The following BANP variants were observed in gnomAD, a reference collection of about 807,000 sequenced individuals.
The protein encoded by BANP is BTG3 associated nuclear protein.
In BANP, 11 loss-of-function variants were observed where a neutral mutation model predicts 68.1. The observed-to-expected ratio is 0.16, with a 90% CI of 0.10 to 0.27. The LOEUF is 0.27. Among genes scored for constraint, BANP ranks in the 10% least tolerant of loss-of-function variants. The pLI is 1.00. For synonymous variants in BANP, 329 were observed against 303.2 expected (o/e 1.09, Z -0.88); for missense variants, 504 against 722.7 (o/e 0.70, Z 3.47).
At chr16:87,990,278 G>A (rs1023432512) in intron 4 of BANP, among the ~76,000 whole-genome samples, 1 of 152,092 alleles carries the variant, frequency 6.6e-6, no homozygotes, top group Non-Finnish European at 1.5e-5. Context: ...ATAAACCATA[G>A]GCTTCTGTAT....
At position 88,004,511 on chromosome 16, in the gene BANP, T is replaced by C; in HGVS notation, c.479+100T>C. ...AGCCAGGGCACAGTCCAGCACACGC[T>C]TCATCTCTGTGGTCACAGGGTTGAG... is the stretch of plus-strand genomic sequence containing the variant. On this transcript the variant is annotated intron_variant, in intron 5 of 13. Coordinates refer to ENST00000682872, the MANE Select transcript of BANP (RefSeq NM_001386991.1). The surrounding 1 kb of genome is among the most constrained non-coding windows in gnomAD (Gnocchi z 7.0). 1.5e-6 allele frequency: 1 copy of C among 681,466 alleles called. No homozygotes were observed. Among genetic ancestry groups the C allele is most frequent in the African/African-American group, 1.9e-5 (1 of 54,030 alleles). 42.2% of individuals were successfully genotyped at this position (681,466 alleles called of 1,614,324 possible).
intron 13 of BANP, among the ~76,000 whole-genome samples, chr16:88,075,805 G>A (rs1430253774): frequency 6.9e-6 from 1 of 145,850 alleles, no homozygotes; most frequent in East Asian, 2.0e-4. Context: ...GGAGTGCATT[G>A]GTGCAATCTC....
At chr16:87,969,573 C>G (rs2145488100) in intron 1 of BANP, among the ~76,000 whole-genome samples, 1 of 149,182 alleles carries the variant, frequency 6.7e-6, no homozygotes, top group East Asian at 2.0e-4. Flanking sequence ...CCCCCTGTCA[C>G]CCAGTGTGGA....
At chr16:87,989,875 A>G (rs111503562) in intron 4 of BANP, among the ~76,000 whole-genome samples, 6 of 94,046 alleles carry the variant, frequency 6.4e-5, no homozygotes, top group Admixed American at 1.2e-4. Flanking sequence ...AGGACACAGG[A>G]CACAGGGTGG....
chr16:87,984,492 G>A (rs529602414), intron 4 of BANP, among the ~76,000 whole-genome samples: 1 of 152,286 alleles, frequency 6.6e-6, no homozygotes, highest in Non-Finnish European at 1.5e-5. Flanking sequence ...ACATAAAGCC[G>A]ACCCATGCAC....
chr16:88,066,337 A>G (rs2088593261), intron 12 of BANP, among the ~76,000 whole-genome samples: 1 of 152,154 alleles, frequency 6.6e-6, no homozygotes, highest in Non-Finnish European at 1.5e-5. Context: ...AGCAGGCGGT[A>G]ATTTTACTTT....
chr16:87,993,401 A>C (rs1011081163), intron 4 of BANP, among the ~76,000 whole-genome samples: 2 of 151,682 alleles, frequency 1.3e-5, no homozygotes, highest in African/African-American at 4.9e-5. Context: ...TTATTCACCT[A>C]TTCACTCATC....
chr16:88,061,795 A>C (rs542856402), intron 11 of BANP, among the ~76,000 whole-genome samples: 1 of 152,024 alleles, frequency 6.6e-6, no homozygotes, highest in African/African-American at 2.4e-5. Context: ...CCTCCTGAGT[A>C]GCTGGGATTA....
rs190883422 is a variant in BANP, at chr16:88,038,387, G to A, written c.1311+376G>A. Among the ~76,000 whole-genome samples, 12 of 152,326 alleles carry A rather than the reference G, an allele frequency of 7.9e-5. No homozygotes were observed. In the East Asian group the frequency reaches 2.3e-3, roughly 29 times the overall value. ...TGACAATGCACAGGCCTGGAAGGGG[G>A]GAGGGCAGGGCTTGGGGGTTACATT... is the stretch of plus-strand genomic sequence containing the variant. On this transcript the variant is annotated intron_variant, in intron 11 of 13. Transcript: ENST00000682872.
chr16:88,075,067 C>T (rs1043518848), intron 13 of BANP, among the ~76,000 whole-genome samples: 3 of 152,102 alleles, frequency 2.0e-5, no homozygotes, highest in Non-Finnish European at 4.4e-5. Context: ...TAGCTGGGGC[C>T]GGGCACGGTA....
rs779710502 is a variant in BANP, at chr16:88,033,193, A to G, written c.1148A>G (p.Asn383Ser). Residue 383 changes from asparagine to serine, a missense_variant, in exon 9 of 14, where the codon AAC (asparagine) becomes AGC (serine). Physicochemically the swap from Asn to Ser is conservative, Grantham distance 46. This residue lies in a region of BANP where 223 missense variants were observed against 246.2 expected (regional missense o/e 0.91). Coordinates refer to ENST00000682872, the MANE Select transcript of BANP (RefSeq NM_001386991.1). ...CAGGCCCTGCACTACGCGCTGGCCA[A>G]CGCACAGCAGGTGCAGATCCACCAG... ...QPQALHYALA[N>S]AQQVQIHQIG... The G allele has an allele frequency of 1.2e-5, 19 of 1,610,906 alleles. No homozygotes were observed. The Middle Eastern group carries it at 8.2e-4, about 70-fold the overall frequency.
At chr16:87,968,340 C>T (rs921879078) in intron 1 of BANP, among the ~76,000 whole-genome samples, 2 of 151,818 alleles carry the variant, frequency 1.3e-5, no homozygotes, top group East Asian at 2.0e-4. Context: ...CAAAATTAGC[C>T]GGGCATGGTG....
At chr16:87,978,798 C>A (rs1373561101) in intron 2 of BANP, 2 of 368,498 alleles carry the variant, frequency 5.4e-6, no homozygotes, top group African/African-American at 4.2e-5. Context: ...TGATAGAACC[C>A]CAACCCTCCC....
At position 88,027,429 on chromosome 16, in the gene BANP, C is replaced by T. The variant is rs1341708688; in HGVS notation, c.896-54C>T. On this transcript the variant is annotated intron_variant, in intron 7 of 13. Coordinates refer to ENST00000682872, the MANE Select transcript of BANP (RefSeq NM_001386991.1). The stretch of plus-strand genomic sequence containing the variant: ...CCCCGGCCCTGCAGCCAGGCAGCTC[C>T]TGGTGGCTGTCCCGAACAGGCCTCA... The T allele has an allele frequency of 5.0e-6, 8 of 1,603,838 alleles. No individual in the cohort carries two copies. The Admixed American group carries it at 1.0e-4, about 20-fold the overall frequency.
chr16:88,010,622 G>A (rs1290314709), intron 6 of BANP, among the ~76,000 whole-genome samples: 2 of 152,240 alleles, frequency 1.3e-5, no homozygotes, highest in Admixed American at 6.5e-5. Flanking sequence ...CCACACTGCT[G>A]TGCGGATTTA....
At chr16:87,960,573 C>G (rs1220639827) in intron 1 of BANP, among the ~76,000 whole-genome samples, 1 of 152,218 alleles carries the variant, frequency 6.6e-6, no homozygotes, top group African/African-American at 2.4e-5. Flanking sequence ...TACCCAGTTT[C>G]TCCCGTTGCT....
intron 1 of BANP, chr16:87,966,930 G>A (rs1487702723): frequency 6.6e-6 from 1 of 152,366 alleles, no homozygotes; most frequent in Non-Finnish European, 1.5e-5. Flanking sequence ...GAGGGGCCTG[G>A]GCTCCTTCCT....
At chr16:88,075,559 TCCC>T (rs897674630) in intron 13 of BANP, among the ~76,000 whole-genome samples, 1 of 152,076 alleles carries the variant, frequency 6.6e-6, no homozygotes, top group Non-Finnish European at 1.5e-5. Context: ...GGCCTCTTCC[TCCC>T]GTGGGCTCGG....
At chr16:88,022,554 T>G (rs2076226727) in intron 7 of BANP, among the ~76,000 whole-genome samples, 1 of 152,226 alleles carries the variant, frequency 6.6e-6, no homozygotes, top group East Asian at 1.9e-4. Context: ...CCCACACCTG[T>G]CCCTGTGAGT....
Sources: gnomAD v4.1 joint callset for allele counts (sites outside exome capture counted in the v4.1 genomes callset) on GRCh38, gnomAD v4.1.1 for gene constraint, gnomAD v4.1.1 regional missense constraint, Gnocchi (gnomAD v3.1) non-coding constraint, MANE v1.5 for transcripts, NCBI Gene and HGNC (gene_info 2026-07-23, HGNC 2026-07-21) for gene names.